The following RERE variants were observed in gnomAD, a reference collection of about 807,000 sequenced individuals.
The protein encoded by RERE is arginine-glutamic acid dipeptide repeats, also known as arginine-glutamic acid dipeptide repeats protein.
Under a neutral mutation model 146.1 loss-of-function variants are expected in RERE, and 40 were observed. That is an observed-to-expected ratio of 0.27 (90% CI 0.21 to 0.36). The LOEUF (loss-of-function observed/expected upper bound fraction) is 0.36, where lower values mean the gene tolerates loss of function less well. Among genes scored for constraint, RERE ranks in the 10% least tolerant of loss-of-function variants. The probability of loss-of-function intolerance (pLI) is 1.00; values close to 1 mark genes in which losing one functional copy is unlikely to be tolerated. For missense variants in RERE, 1,933 were observed against 2,138.7 expected, an observed-to-expected ratio of 0.90 and a Z score of 1.90; for synonymous variants, 1,003 against 866.0, an observed-to-expected ratio of 1.16 and a Z score of -2.78.
At chr1:8,719,578 AC>A (rs1639823552) in intron 1 of RERE, among the ~76,000 whole-genome samples, 1 of 152,184 alleles carries the variant, frequency 6.6e-6, no homozygotes, top group Non-Finnish European at 1.5e-5. Flanking sequence ...GGAACAAATG[AC>A]AGAGATTTGC....
In RERE at chr1:8,364,910, T is replaced by A. The variant is rs879114477; in HGVS notation, c.1448-72A>T. On this transcript the variant is annotated intron_variant, in intron 13 of 22. Transcript: ENST00000400908. The surrounding 1 kb of genome is among the most constrained non-coding windows in gnomAD (Gnocchi z 5.1). ...CTCAGCCAAGGCTGGGCCGGTGGGG[T>A]GGGGGGGAGGGGGGAACACCTGTGA... 3.7e-5 allele frequency: 1 copy of A among 26,782 alleles called. No individual in the cohort carries two copies. The highest frequency in any genetic ancestry group is 9.5e-5 in the Non-Finnish European group (1 of 10,568). 1.7% of individuals were successfully genotyped at this position (26,782 alleles called of 1,614,324 possible).
At chr1:8,727,798 C>T (rs770281266) in intron 1 of RERE, among the ~76,000 whole-genome samples, 13 of 152,086 alleles carry the variant, frequency 8.5e-5, no homozygotes, top group Non-Finnish European at 1.6e-4. Context: ...GGCCAATTAC[C>T]CACTATTCTT....
At chr1:8,441,627 A>G (rs1244320508) in intron 11 of RERE, among the ~76,000 whole-genome samples, 2 of 152,242 alleles carry the variant, frequency 1.3e-5, no homozygotes, top group Admixed American at 1.3e-4. Context: ...GCGGAAAGTC[A>G]TATCTGACGA....
intron 3 of RERE, among the ~76,000 whole-genome samples, chr1:8,616,152 T>C (rs1302242690): frequency 1.3e-5 from 2 of 152,240 alleles, no homozygotes; most frequent in Admixed American, 6.5e-5. Flanking sequence ...GGAATATGAC[T>C]GCCCAAACCA....
At chr1:8,409,026 C>A (rs1347301874) in intron 12 of RERE, among the ~76,000 whole-genome samples, 1 of 152,116 alleles carries the variant, frequency 6.6e-6, no homozygotes, top group Non-Finnish European at 1.5e-5. Flanking sequence ...CCATCCTTGC[C>A]CAAGAACTGA....
intron 4 of RERE, among the ~76,000 whole-genome samples, chr1:8,585,539 C>T (rs907449143): frequency 4.6e-5 from 7 of 152,088 alleles, no homozygotes; most frequent in Admixed American, 3.3e-4. Flanking sequence ...AAGACATGTA[C>T]AAGATGAGGA....
intron 12 of RERE, among the ~76,000 whole-genome samples, chr1:8,391,307 A>G (rs1248236337): frequency 6.6e-6 from 1 of 152,196 alleles, no homozygotes; most frequent in African/African-American, 2.4e-5. Context: ...GTGGTCAATG[A>G]ACCGATGTAT....
At chr1:8,384,786 C>T (rs1188520613) in intron 12 of RERE, among the ~76,000 whole-genome samples, 2 of 152,186 alleles carry the variant, frequency 1.3e-5, no homozygotes, top group Admixed American at 6.5e-5. Context: ...GTTTTTCACT[C>T]CCAGCTAAAC....
intron 1 of RERE, among the ~76,000 whole-genome samples, chr1:8,759,266 T>C (rs1002770352): frequency 1.3e-5 from 2 of 152,230 alleles, no homozygotes; most frequent in African/African-American, 4.8e-5. Context: ...TAGAATCCTT[T>C]TATATGAGAA....
intron 4 of RERE, among the ~76,000 whole-genome samples, chr1:8,605,260 G>C (rs921572458): frequency 1.3e-5 from 2 of 152,112 alleles, no homozygotes; most frequent in Non-Finnish European, 2.9e-5. Flanking sequence ...AGCCTCCCAA[G>C]TAGCTGGGAC....
At chr1:8,538,145 A>G (rs995200933) in intron 7 of RERE, among the ~76,000 whole-genome samples, 6 of 152,188 alleles carry the variant, frequency 3.9e-5, no homozygotes, top group African/African-American at 1.4e-4. Flanking sequence ...TTTCCAGTGG[A>G]CTTTCCTATA....
rs184549079 is a variant in RERE, at chr1:8,559,296, A to C, written c.523-1773T>G. On this transcript the variant is annotated intron_variant, in intron 4 of 22. Coordinates refer to ENST00000400908, the MANE Select transcript of RERE (RefSeq NM_001042681.2). ...ACTCCAGCTCAAAAAAAAAAAAAAA[A>C]AAAAAAAACAGAACAAAACAAAACA... is the stretch of plus-strand genomic sequence containing the variant. Among the ~76,000 whole-genome samples the C allele has an allele frequency of 1.5e-3, 223 of 144,824 alleles. 21 individuals are homozygous for C. In the East Asian group the frequency reaches 0.033, roughly 22 times the overall value.
At chr1:8,793,500 G>A (rs1417359433) in intron 1 of RERE, among the ~76,000 whole-genome samples, 1 of 152,186 alleles carries the variant, frequency 6.6e-6, no homozygotes, top group East Asian at 1.9e-4. Flanking sequence ...CAAGCAAAAT[G>A]GACTTGGGGA....
chr1:8,486,339 AGT>A (rs1450930283), intron 10 of RERE, among the ~76,000 whole-genome samples: 1 of 152,226 alleles, frequency 6.6e-6, no homozygotes, highest in Non-Finnish European at 1.5e-5. Flanking sequence ...AATGTTACTG[AGT>A]ACTCTTTGAC....
chr1:8,454,767 T>C (rs965876443), intron 11 of RERE, among the ~76,000 whole-genome samples: 1 of 151,944 alleles, frequency 6.6e-6, no homozygotes, highest in African/African-American at 2.4e-5. Context: ...ATCGCACCAC[T>C]GTACTCCAGC....
chr1:8,784,704 T>C (rs1641229869), intron 1 of RERE, among the ~76,000 whole-genome samples: 1 of 152,140 alleles, frequency 6.6e-6, no homozygotes, highest in Non-Finnish European at 1.5e-5. Flanking sequence ...GGGAATTCTA[T>C]CCTAAAAGAC....
At chr1:8,655,346 A>C (rs939370937) in intron 2 of RERE, among the ~76,000 whole-genome samples, 4 of 151,712 alleles carry the variant, frequency 2.6e-5, no homozygotes, top group African/African-American at 4.8e-5. Flanking sequence ...AGCTGGGATT[A>C]GAGGTGCACA....
At chr1:8,683,054 AAG>A (rs1491035721) in intron 1 of RERE, among the ~76,000 whole-genome samples, 12 of 151,300 alleles carry the variant, frequency 7.9e-5, no homozygotes, top group African/African-American at 2.7e-4. Context: ...AAAAAAAAAA[AAG>A]AATGGAACTC....
intron 1 of RERE, among the ~76,000 whole-genome samples, chr1:8,802,056 G>A (rs1285726962): frequency 6.6e-6 from 1 of 152,194 alleles, no homozygotes; most frequent in East Asian, 1.9e-4. Context: ...ACTGAATTGT[G>A]TGAAAGTGAT....
Sources: gnomAD v4.1 joint callset for allele counts (sites outside exome capture counted in the v4.1 genomes callset) on GRCh38, gnomAD v4.1.1 for gene constraint, Gnocchi (gnomAD v3.1) non-coding constraint, MANE v1.5 for transcripts, NCBI Gene and HGNC (gene_info 2026-07-23, HGNC 2026-07-21) for gene names.